SYNE1: variants seen among roughly 807,000 people sequenced by gnomAD.
SYNE1 encodes the protein spectrin repeat containing nuclear envelope protein 1.
A neutral mutation model predicts 1,111.0 loss-of-function variants in SYNE1; 616 were observed. The ratio of observed to expected loss-of-function variants is 0.55; its 90% confidence interval spans 0.52 to 0.59. The LOEUF (loss-of-function observed/expected upper bound fraction) is 0.59. Ranked by LOEUF, SYNE1 falls within the 20% of genes least tolerant of loss-of-function variation. The pLI is 0.00. For synonymous variants in SYNE1, 3,855 were observed against 3,825.8 expected, an observed-to-expected ratio of 1.01 and a Z score of -0.28; for missense variants, 10,006 against 10,417.0, an observed-to-expected ratio of 0.96 and a Z score of 1.72.
intron 56 of SYNE1, among the ~76,000 whole-genome samples, chr6:152,377,342 G>A (rs1313406225): frequency 6.6e-6 from 1 of 151,850 alleles, no homozygotes; most frequent in Non-Finnish European, 1.5e-5. Flanking sequence ...GGGTGTGGTG[G>A]CTCACGCCTG....
chr6:152,180,057 A>G, intron 129 of SYNE1, 79 bp downstream of exon 129: 1 of 1,485,234 alleles, frequency 6.7e-7, no homozygotes, highest in Non-Finnish European at 9.4e-7. Context: ...AATTGTGAGT[A>G]AAGCCACCTT....
At chr6:152,434,078 T>TA (rs1028141919) in intron 33 of SYNE1, 133 bp from the exon 34 acceptor site, 9,490 of 649,894 alleles carry the variant, frequency 0.015, no homozygotes, top group Non-Finnish European at 0.016. Flanking sequence ...CTATTCACGC[T>TA]AAAAAAAAAA....
Position 152,236,159 on chromosome 6 carries a change from T to C in SYNE1, c.20344A>G (p.Lys6782Glu). ...AGTCTGTGAAGTTCCTTAGACATTT[T>C]ATTGGTGTTACTTAGCCAGCACTCT... Reference protein sequence around the residue: ...LGECWLSNTNKMSKELHRLET... With the variant: ...LGECWLSNTNEMSKELHRLET... The change falls in exon 110 of 146, where the codon AAA becomes GAA. Residue 6782 changes from lysine to glutamate, a missense_variant. Around this residue, in one of 7 missense-constraint regions of SYNE1, gnomAD observed 2,182 missense variants for 2,287.8 expected, o/e 0.95. Coordinates refer to ENST00000367255, the MANE Select transcript of SYNE1 (RefSeq NM_182961.4). 6.2e-7 allele frequency: 1 copy of C among 1,614,226 alleles called. No individual in the cohort carries two copies. The highest frequency in any genetic ancestry group is 1.1e-5 in the South Asian group (1 of 91,086).
chr6:152,359,546 G>C, intron 64 of SYNE1, 88 bp from the exon 65 acceptor site: 2 of 1,534,516 alleles, frequency 1.3e-6, no homozygotes, highest in Middle Eastern at 1.7e-4. Flanking sequence ...TAATTGTACA[G>C]TTGACAAGTG....
At chr6:152,190,758 T>C (rs1323313233) in intron 127 of SYNE1, among the ~76,000 whole-genome samples, 1 of 152,196 alleles carries the variant, frequency 6.6e-6, no homozygotes, top group Non-Finnish European at 1.5e-5. Context: ...CTACTCTCTA[T>C]CTCCATGAGT....
intron 128 of SYNE1, among the ~76,000 whole-genome samples, chr6:152,181,216 T>C (rs11155836): frequency 0.33 from 50,096 of 150,602 alleles, 8,332 homozygotes; most frequent in South Asian, 0.43. Flanking sequence ...GTTCGAAACC[T>C]GCGTGGCCAA....
intron 73 of SYNE1, among the ~76,000 whole-genome samples, chr6:152,346,498 C>T (rs1180865555): frequency 6.6e-6 from 1 of 152,062 alleles, no homozygotes; most frequent in Non-Finnish European, 1.5e-5. Flanking sequence ...TTTTCACAAT[C>T]AACTCATGGA....
At chr6:152,334,448 T>A (rs768714774) in intron 76 of SYNE1, among the ~76,000 whole-genome samples, 175 bp from the exon 77 acceptor site, 1 of 152,218 alleles carries the variant, frequency 6.6e-6, no homozygotes, top group Non-Finnish European at 1.5e-5. Flanking sequence ...TCACCATACC[T>A]CTTTATGAAC....
chr6:152,126,153 T>C (rs1377518595), intron 145 of SYNE1: 1 of 152,186 alleles, frequency 6.6e-6, no homozygotes, highest in East Asian at 1.9e-4. Flanking sequence ...TGGGCTGAGA[T>C]GGGGACAGAG....
chr6:152,593,546 C>T (rs1305091439), intron 3 of SYNE1, among the ~76,000 whole-genome samples: 1 of 151,906 alleles, frequency 6.6e-6, no homozygotes, highest in Admixed American at 6.6e-5. Flanking sequence ...TGTGCCACTG[C>T]ACTCCAGCCT....
In SYNE1 at chr6:152,248,047, C is replaced by T. The variant is rs564420599; in HGVS notation, c.19572+1114G>A. 9.8e-5 allele frequency among the ~76,000 whole-genome samples: 15 copies of T among 152,302 alleles called. No homozygotes were observed. In the South Asian group the frequency reaches 3.1e-3, roughly 32 times the overall value. ...ACATCCCTCCCATTTCTTCTATCTG[C>T]ATTTTCATGCCATCATGCCAGTTTG... is the stretch of plus-strand genomic sequence containing the variant. On this transcript the variant is annotated intron_variant, in intron 105 of 145. Transcript: ENST00000367255.
intron 91 of SYNE1, among the ~76,000 whole-genome samples, chr6:152,306,306 T>C (rs1285339208): frequency 6.6e-6 from 1 of 151,836 alleles, no homozygotes; most frequent in Non-Finnish European, 1.5e-5. Context: ...GCCAACGTGG[T>C]GAAACCCCGT....
At chr6:152,610,093 A>T (rs2099627022) in intron 3 of SYNE1, among the ~76,000 whole-genome samples, 1 of 152,250 alleles carries the variant, frequency 6.6e-6, no homozygotes, top group South Asian at 2.1e-4. Context: ...CTTCTCCTCC[A>T]AAGGATCACA....
At chr6:152,282,823 G>A (rs1038049399) in intron 96 of SYNE1, among the ~76,000 whole-genome samples, 6 of 151,868 alleles carry the variant, frequency 4.0e-5, no homozygotes, top group Admixed American at 6.6e-5. Flanking sequence ...GATTTTTGCC[G>A]TTACTTTTGC....
rs1331332117 is a variant in SYNE1 at position 152,364,708 on chromosome 6, G to GGAAC, written c.10145+138_10145+139insGTTC. ...AAGGAGGAAGGAAGGAAGGAAGGAA[G>GGAAC]GAAGGAAGGAAGGAAGGAAGGGAGG... On this transcript the variant is annotated intron_variant, in intron 63 of 145. Transcript: ENST00000367255. 3.1e-4 allele frequency: 273 copies of GGAAC among 879,912 alleles called. 1 individual carries two copies. In the African/African-American group the frequency reaches 4.5e-3, roughly 15 times the overall value. The allele number at this position is 879,912 out of a possible 1,614,324, so 54.5% of individuals were successfully genotyped here. A position where few individuals can be genotyped will look rare whatever the true frequency, so the allele number is the denominator to read the frequency against.
Position 152,163,914 on chromosome 6 carries a change from G to A in SYNE1, c.23790+249C>T, listed in dbSNP as rs548511600. Among the ~76,000 whole-genome samples the A allele has an allele frequency of 3.3e-5, 5 of 152,236 alleles. No homozygotes were observed. The South Asian group carries it at 1.0e-3, about 32-fold the overall frequency. ...CTCCACCTTACCTACCATCTTAGAAGGCTTCTTGGTGGATGGATGACACTA... is the reference window on the plus strand; with the variant it reads ...CTCCACCTTACCTACCATCTTAGAAAGCTTCTTGGTGGATGGATGACACTA... On this transcript the variant is annotated intron_variant, in intron 131 of 145. Coordinates refer to ENST00000367255, the MANE Select transcript of SYNE1 (RefSeq NM_182961.4).
At chr6:152,199,742 A>C (rs772516772) in intron 127 of SYNE1, among the ~76,000 whole-genome samples, 1 of 152,194 alleles carries the variant, frequency 6.6e-6, no homozygotes, top group Non-Finnish European at 1.5e-5. Context: ...GTGCTGTCTG[A>C]GGCTAACTTC....
rs751817671 is a variant in SYNE1, at chr6:152,136,736, C to T, written c.25541G>A (p.Ser8514Asn). Reference protein sequence around the residue: ...LCSPEFTQADSKESRDLQDRL... With the variant: ...LCSPEFTQADNKESRDLQDRL... ...ATCCTGCAGGTCCCGGCTCTCCTTGCTGTCAGCCTGGGTGAACTCAGGGCT... is the reference window on the plus strand; with the variant it reads ...ATCCTGCAGGTCCCGGCTCTCCTTGTTGTCAGCCTGGGTGAACTCAGGGCT... The change falls in exon 141 of 146, where the codon AGC becomes AAC. Residue 8514 changes from serine (S) to asparagine (N), a missense_variant. This residue lies in a region of SYNE1 where 761 missense variants were observed against 795.5 expected (regional missense o/e 0.96). Coordinates refer to ENST00000367255, the MANE Select transcript of SYNE1 (RefSeq NM_182961.4). The T allele has an allele frequency of 6.2e-7, 1 of 1,614,266 alleles. No homozygotes were observed. The highest frequency in any genetic ancestry group is 1.7e-5 in the Admixed American group (1 of 60,032).
At chr6:152,224,957 G>GTATACACATATATA (rs1220700858) in intron 116 of SYNE1, among the ~76,000 whole-genome samples, 4 of 143,090 alleles carry the variant, frequency 2.8e-5, no homozygotes, top group African/African-American at 1.0e-4. Flanking sequence ...ACATATATAT[G>GTATACACATATATA]TGTATATATA....
Sources: gnomAD v4.1 joint callset for allele counts (sites outside exome capture counted in the v4.1 genomes callset) on GRCh38, gnomAD v4.1.1 for gene constraint, gnomAD v4.1.1 regional missense constraint, MANE v1.5 for transcripts, NCBI Gene and HGNC (gene_info 2026-07-23, HGNC 2026-07-21) for gene names.